ASB5: variants seen among roughly 807,000 people sequenced by gnomAD.
The protein encoded by ASB5 is ankyrin repeat and SOCS box protein 5.
Under a neutral mutation model 42.1 loss-of-function variants are expected in ASB5, and 45 were observed. The observed-to-expected ratio is 1.07, with a 90% CI of 0.84 to 1.37. ASB5 has a LOEUF of 1.37. Ranked by LOEUF, ASB5 falls within the 40% of genes most tolerant of loss-of-function variation. ASB5 has a pLI of 0.00. For synonymous variants in ASB5, 147 were observed against 150.6 expected, an observed-to-expected ratio of 0.98 and a Z score of 0.18; for missense variants, 402 against 399.8, an observed-to-expected ratio of 1.01 and a Z score of -0.05.
intron 5 of ASB5, among the ~76,000 whole-genome samples, chr4:176,220,217 A>T (rs1753164320): frequency 6.6e-6 from 1 of 152,126 alleles, no homozygotes; most frequent in African/African-American, 2.4e-5. Context: ...AAAAATAACA[A>T]TCTGTCAATG....
rs1474504281 is a variant in ASB5 at position 176,216,845 on chromosome 4, C to A, written c.835G>T (p.Val279Leu). ...TCATGTTGAAGCAATATCCTTTCCA[C>A]CATACTGCTAGACGTAGCTACATCT... is the stretch of plus-strand genomic sequence containing the variant. ...PIDVATSSSM[V>L]ERILLQHEAT... Residue 279 changes from valine (V) to leucine (L), a missense_variant, in exon 6 of 7, where the codon GTG becomes TTG. By Grantham distance (32) the Val-to-Leu change is conservative. Coordinates refer to ENST00000296525, the MANE Select transcript of ASB5 (RefSeq NM_080874.4). 1 of 1,603,452 alleles carries A rather than the reference C, an allele frequency of 6.2e-7. No homozygotes were observed. The highest frequency in any genetic ancestry group is 1.3e-5 in the African/African-American group (1 of 74,268).
rs1302768484 is a variant in ASB5 at position 176,251,419 on chromosome 4, G to A, written c.196+17494C>T. On this transcript the variant is annotated intron_variant, in intron 1 of 6. Coordinates refer to ENST00000296525, the MANE Select transcript of ASB5 (RefSeq NM_080874.4). Reference sequence around the variant, plus strand: ...CTACTAAAAATACAAAAAATTAGCCGGGCGTAGTGGCGGGCGCCTGTAGTC... The same window carrying A: ...CTACTAAAAATACAAAAAATTAGCCAGGCGTAGTGGCGGGCGCCTGTAGTC... 6.2e-5 allele frequency among the ~76,000 whole-genome samples: 4 copies of A among 64,378 alleles called. 2 individuals are homozygous for A. The highest frequency in any genetic ancestry group is 1.0e-4 in the African/African-American group (2 of 19,636). 42.2% of individuals were successfully genotyped at this position (64,378 alleles called of 152,430 possible). A position where few individuals can be genotyped will look rare whatever the true frequency, so the allele number is the denominator to read the frequency against.
intron 1 of ASB5, among the ~76,000 whole-genome samples, chr4:176,247,283 T>C (rs145881690): frequency 6.6e-6 from 1 of 152,330 alleles, no homozygotes; most frequent in East Asian, 1.9e-4. Context: ...AAATGATTTA[T>C]AGGTTCAATG....
chr4:176,237,175 A>G, intron 1 of ASB5: 1 of 637,440 alleles, frequency 1.6e-6, no homozygotes, highest in East Asian at 1.4e-4. Context: ...CATGCCATAC[A>G]TGTGCATTTC....
At position 176,268,831 on chromosome 4, in the gene ASB5, A is replaced by G. The variant is rs969359502; in HGVS notation, c.196+82T>C. The G allele has an allele frequency of 6.9e-6, 8 of 1,153,962 alleles. No homozygotes were observed. In the African/African-American group the frequency reaches 1.3e-4, roughly 18 times the overall value. The allele number at this position is 1,153,962 out of a possible 1,614,324, so 71.5% of individuals were successfully genotyped here. Reference sequence around the variant, plus strand: ...GTTTATAAAATATTTACCTTGAAGCAGTCTAAAAAGAAAACATGTAATTGT... The same window carrying G: ...GTTTATAAAATATTTACCTTGAAGCGGTCTAAAAAGAAAACATGTAATTGT... On this transcript the variant is annotated intron_variant, in intron 1 of 6. Coordinates refer to ENST00000296525, the MANE Select transcript of ASB5 (RefSeq NM_080874.4).
At chr4:176,259,941 T>C (rs189199484) in intron 1 of ASB5, among the ~76,000 whole-genome samples, 21 of 152,302 alleles carry the variant, frequency 1.4e-4, no homozygotes, top group Admixed American at 5.2e-4. Context: ...CTTCCTGACA[T>C]TTCACATAGT....
At chr4:176,248,194 A>G (rs1753948770) in intron 1 of ASB5, among the ~76,000 whole-genome samples, 1 of 152,114 alleles carries the variant, frequency 6.6e-6, no homozygotes, top group Non-Finnish European at 1.5e-5. Context: ...CGGCACGATC[A>G]TGGCTCACTG....
intron 1 of ASB5, among the ~76,000 whole-genome samples, chr4:176,250,374 A>T (rs1754010035): frequency 6.6e-6 from 1 of 152,224 alleles, no homozygotes; most frequent in African/African-American, 2.4e-5. Flanking sequence ...GTGGACGTAG[A>T]AATCATTTTC....
intron 1 of ASB5, among the ~76,000 whole-genome samples, chr4:176,250,240 G>T (rs971647496): frequency 6.6e-6 from 1 of 152,130 alleles, no homozygotes. Context: ...CTGAGGTCAC[G>T]GGCGTGATAA....
intron 1 of ASB5, among the ~76,000 whole-genome samples, chr4:176,252,577 G>C (rs1393433971): frequency 2.0e-5 from 3 of 152,158 alleles, no homozygotes; most frequent in African/African-American, 7.2e-5. Context: ...TTGATGAGAT[G>C]GTCAGTATTG....
chr4:176,268,423 G>T (rs1401442710), intron 1 of ASB5, among the ~76,000 whole-genome samples: 1 of 152,062 alleles, frequency 6.6e-6, no homozygotes, highest in African/African-American at 2.4e-5. Flanking sequence ...GAGTCAAATG[G>T]TTATCTTATT....
intron 1 of ASB5, among the ~76,000 whole-genome samples, chr4:176,261,100 G>C (rs1364291345): frequency 1.3e-5 from 2 of 152,148 alleles, no homozygotes; most frequent in Non-Finnish European, 2.9e-5. Flanking sequence ...TTAATGGCAT[G>C]GTTTATCTGT....
At chr4:176,229,572 T>A (rs1328290283) in intron 1 of ASB5, among the ~76,000 whole-genome samples, 1 of 151,998 alleles carries the variant, frequency 6.6e-6, no homozygotes, top group Non-Finnish European at 1.5e-5. Flanking sequence ...AACATAAGTA[T>A]CCAAATCGCA....
chr4:176,268,206 A>T (rs557083380), intron 1 of ASB5, among the ~76,000 whole-genome samples: 1 of 152,250 alleles, frequency 6.6e-6, no homozygotes, highest in African/African-American at 2.4e-5. Flanking sequence ...CAACCTTCTG[A>T]AGTCTATGGG....
At chr4:176,243,557 C>T (rs899924255) in intron 1 of ASB5, among the ~76,000 whole-genome samples, 4 of 151,890 alleles carry the variant, frequency 2.6e-5, no homozygotes, top group African/African-American at 7.2e-5. Context: ...GGCTGGAGTG[C>T]GATGGCACAA....
upstream of ASB5, among the ~76,000 whole-genome samples, chr4:176,270,621 A>C (rs1415815534): frequency 1.3e-5 from 2 of 152,216 alleles, no homozygotes; most frequent in Non-Finnish European, 2.9e-5. Context: ...GAGGCAGAAT[A>C]CTGGCTAGGC....
At chr4:176,255,445 T>G (rs1204597672) in intron 1 of ASB5, among the ~76,000 whole-genome samples, 1 of 152,104 alleles carries the variant, frequency 6.6e-6, no homozygotes, top group African/African-American at 2.4e-5. Flanking sequence ...CAAGAGTAAA[T>G]ATGTGGATTC....
chr4:176,238,190 G>T (rs1363104630), intron 1 of ASB5, among the ~76,000 whole-genome samples: 1 of 121,752 alleles, frequency 8.2e-6, no homozygotes, highest in Non-Finnish European at 1.6e-5. Flanking sequence ...CTGGGCGACA[G>T]AAGGAGACTC....
intron 1 of ASB5, chr4:176,237,602 G>A: frequency 1.0e-6 from 1 of 983,228 alleles, no homozygotes; most frequent in Non-Finnish European, 1.2e-6. Context: ...ACTTGGATCA[G>A]GGCTGGTAGG....
Sources: allele counts gnomAD v4.1 joint callset (sites outside exome capture counted in the v4.1 genomes callset), GRCh38; gene constraint gnomAD v4.1.1; transcripts MANE v1.5; gene names NCBI Gene and HGNC (gene_info 2026-07-23, HGNC 2026-07-21).